The following MRPL13 variants were observed in gnomAD, a reference collection of about 807,000 sequenced individuals.
MRPL13 encodes mitochondrial ribosomal protein L13.
Under a neutral mutation model 29.0 loss-of-function variants are expected in MRPL13, and 33 were observed. The observed-to-expected ratio is 1.14, with a 90% CI of 0.86 to 1.52. MRPL13 has a LOEUF of 1.52. Ranked by LOEUF, MRPL13 falls within the 40% of genes most tolerant of loss-of-function variation. MRPL13 has a pLI of 0.00. For synonymous variants in MRPL13, 77 were observed against 68.4 expected (o/e 1.13, Z -0.62); for missense variants, 227 against 216.7 (o/e 1.05, Z -0.30).
chr8:120,419,052 T>TG (rs1812839388), intron 5 of MRPL13, among the ~76,000 whole-genome samples: 1 of 152,158 alleles, frequency 6.6e-6, no homozygotes, highest in East Asian at 1.9e-4. Flanking sequence ...ATTATAACCA[T>TG]GGTAATGATA....
intron 1 of MRPL13, 123 bp from the exon 2 acceptor site, chr8:120,443,431 T>G: frequency 3.0e-6 from 3 of 1,006,520 alleles, no homozygotes; most frequent in Non-Finnish European, 4.0e-6. Flanking sequence ...TGTCAACAAT[T>G]TCTTTGAAAA....
chr8:120,407,715 A>G (rs1236511029), intron 6 of MRPL13, among the ~76,000 whole-genome samples: 1 of 151,722 alleles, frequency 6.6e-6, no homozygotes, highest in East Asian at 1.9e-4. Flanking sequence ...TATTGGTCCT[A>G]CTAAGAATAA....
intron 4 of MRPL13, among the ~76,000 whole-genome samples, 163 bp from the exon 5 acceptor site, chr8:120,420,101 T>C (rs1020123866): frequency 2.6e-5 from 4 of 151,962 alleles, no homozygotes; most frequent in Non-Finnish European, 5.9e-5. Flanking sequence ...AAAGAAACTT[T>C]TATTACTTTG....
intron 5 of MRPL13, 59 bp from the exon 6 acceptor site, chr8:120,414,171 T>C (rs960590727): frequency 3.3e-6 from 4 of 1,219,686 alleles, no homozygotes; most frequent in African/African-American, 3.2e-5. Flanking sequence ...AGCAATAAAT[T>C]ACTAATACTT....
At chr8:120,406,716 A>C (rs1457139376) in intron 6 of MRPL13, among the ~76,000 whole-genome samples, 1 of 151,924 alleles carries the variant, frequency 6.6e-6, no homozygotes, top group Admixed American at 6.6e-5. Context: ...GAAAGTTTTA[A>C]ATTTTCATTT....
intron 3 of MRPL13, among the ~76,000 whole-genome samples, chr8:120,431,286 T>A (rs143531943): frequency 1.8e-4 from 28 of 152,288 alleles, no homozygotes; most frequent in Admixed American, 1.7e-3. Flanking sequence ...AAAGTACACT[T>A]AATTAAATGT....
intron 5 of MRPL13, chr8:120,414,820 T>A (rs1812785967): frequency 6.6e-6 from 1 of 152,200 alleles, no homozygotes; most frequent in South Asian, 2.1e-4. Context: ...TTATTAATTG[T>A]ATTCCCCTGA....
At chr8:120,420,561 A>C (rs1288228607) in intron 4 of MRPL13, among the ~76,000 whole-genome samples, 1 of 150,598 alleles carries the variant, frequency 6.6e-6, no homozygotes, top group African/African-American at 2.4e-5. Flanking sequence ...TTAGTCATGA[A>C]AGCCACATTT....
chr8:120,425,244 G>T, intron 4 of MRPL13, 62 bp downstream of exon 4: 2 of 1,302,194 alleles, frequency 1.5e-6, no homozygotes, highest in East Asian at 2.3e-5. Flanking sequence ...AAGGGAGACT[G>T]ACAAAACAGT....
chr8:120,406,555 A>ATGTGTGTGTG (rs72150915), intron 6 of MRPL13, among the ~76,000 whole-genome samples: 2 of 147,088 alleles, frequency 1.4e-5, no homozygotes, highest in African/African-American at 2.5e-5. Context: ...ATATGTGTGC[A>ATGTGTGTGTG]TGTGTGTGTG....
intron 2 of MRPL13, among the ~76,000 whole-genome samples, chr8:120,441,003 ATGTG>A (rs575565862): frequency 1.3e-5 from 2 of 150,060 alleles, no homozygotes; most frequent in Non-Finnish European, 1.5e-5. Context: ...ATTTTTAAAT[ATGTG>A]TGTGTGTGTG....
At chr8:120,419,754 A>T in intron 5 of MRPL13, 98 bp downstream of exon 5, 1 of 795,296 alleles carries the variant, frequency 1.3e-6, no homozygotes, top group Non-Finnish European at 1.9e-6. Context: ...TTGACATAAA[A>T]TTTTTGAAAA....
rs756007295 is a variant in MRPL13 at position 120,419,947 on chromosome 8, T to C, written c.307-9A>G. ...ATAGCTAGTTTTACAATCTGAAAGA[T>C]ATACATAGGACACAATAAGAAAATT... On this transcript the variant is annotated splice_polypyrimidine_tract_variant and intron_variant, in intron 4 of 6. Transcript: ENST00000306185. The C allele has an allele frequency of 3.2e-6, 5 of 1,565,888 alleles. No homozygotes were observed. Among genetic ancestry groups the C allele is most frequent in the East Asian group, 4.6e-5 (2 of 43,622 alleles).
intron 6 of MRPL13, among the ~76,000 whole-genome samples, chr8:120,400,303 G>C (rs911525148): frequency 1.3e-5 from 2 of 152,116 alleles, no homozygotes; most frequent in African/African-American, 4.8e-5. Flanking sequence ...AATCAAATTA[G>C]AACTCAAGGC....
chr8:120,412,491 CTG>C (rs1386829527), intron 6 of MRPL13, among the ~76,000 whole-genome samples: 8 of 152,116 alleles, frequency 5.3e-5, no homozygotes, highest in Non-Finnish European at 1.2e-4. Context: ...ACTGAAGAAA[CTG>C]AGTTGAGATG....
intron 6 of MRPL13, among the ~76,000 whole-genome samples, chr8:120,400,464 C>T (rs897298313): frequency 6.6e-5 from 10 of 151,922 alleles, no homozygotes; most frequent in East Asian, 1.9e-4. Context: ...ATCTCTGAGA[C>T]GCAGCTAAAG....
chr8:120,416,494 A>AAAAT (rs922208685), intron 5 of MRPL13, among the ~76,000 whole-genome samples: 45 of 152,264 alleles, frequency 3.0e-4, no homozygotes, highest in African/African-American at 7.2e-4. Flanking sequence ...ACTCCGTCTC[A>AAAAT]AAATAAATAA....
rs1019593271 is a variant in MRPL13 at position 120,429,618 on chromosome 8, T to A, written c.245+2412A>T. On this transcript the variant is annotated intron_variant, in intron 3 of 6. Transcript: ENST00000306185. ...TATCGTAAATCATTTTGTGCACTAC[T>A]ACTTAGTAACCAAAAATAATACTTA... Among the ~76,000 whole-genome samples, 3 of 152,264 alleles carry A rather than the reference T, an allele frequency of 2.0e-5. No homozygotes were observed. The East Asian group carries it at 5.8e-4, about 29-fold the overall frequency.
chr8:120,434,253 A>C (rs1257461936), intron 2 of MRPL13, among the ~76,000 whole-genome samples: 1 of 152,078 alleles, frequency 6.6e-6, no homozygotes, highest in Non-Finnish European at 1.5e-5. Context: ...TTTTTCCTCA[A>C]AATTGCCTGG....
Sources: allele counts gnomAD v4.1 joint callset (sites outside exome capture counted in the v4.1 genomes callset), GRCh38; gene constraint gnomAD v4.1.1; transcripts MANE v1.5; gene names NCBI Gene and HGNC (gene_info 2026-07-23, HGNC 2026-07-21).